Variants in IQGAP1 observed in about 807,000 individuals in gnomAD.
IQGAP1 encodes the protein IQ motif containing GTPase activating protein 1.
In IQGAP1, 66 loss-of-function variants were observed where a neutral mutation model predicts 215.6. That is an observed-to-expected ratio of 0.31 (90% CI 0.25 to 0.38). IQGAP1 has a LOEUF of 0.38. Ranked by LOEUF, IQGAP1 falls within the 10% of genes least tolerant of loss-of-function variation. IQGAP1 has a pLI of 1.00. For synonymous variants in IQGAP1, 772 were observed against 728.7 expected (o/e 1.06, Z -0.96); for missense variants, 1,712 against 1,997.1 (o/e 0.86, Z 2.72).
intron 2 of IQGAP1, among the ~76,000 whole-genome samples, chr15:90,416,948 A>G (rs1443642988): frequency 6.6e-6 from 1 of 151,838 alleles, no homozygotes; most frequent in African/African-American, 2.4e-5. Context: ...TTTGATTTGC[A>G]TTTCTCTGAT....
chr15:90,437,643 A>T (rs964755473), intron 5 of IQGAP1, among the ~76,000 whole-genome samples: 1 of 152,172 alleles, frequency 6.6e-6, no homozygotes, highest in African/African-American at 2.4e-5. Context: ...GGCACAAGCT[A>T]TCCTCCTGCC....
chr15:90,487,608 C>G (rs1164611298), intron 33 of IQGAP1, 26 bp downstream of exon 33: 3 of 1,486,686 alleles, frequency 2.0e-6, no homozygotes, highest in Non-Finnish European at 2.8e-6. Context: ...TAACATACTC[C>G]TTTGTTTGGT....
chr15:90,453,776 A>C (rs1006902286), intron 13 of IQGAP1, among the ~76,000 whole-genome samples: 3 of 152,146 alleles, frequency 2.0e-5, no homozygotes, highest in Admixed American at 6.5e-5. Flanking sequence ...TTGCTTTCTC[A>C]TATTTGCCTT....
chr15:90,473,467 A>G (rs1425515377), intron 19 of IQGAP1: 1 of 474,906 alleles, frequency 2.1e-6, no homozygotes, highest in Non-Finnish European at 3.8e-6. Flanking sequence ...CAGTAAATGA[A>G]TCTGTATGGC....
intron 2 of IQGAP1, among the ~76,000 whole-genome samples, chr15:90,395,312 GTT>G (rs11453785): frequency 6.6e-6 from 1 of 151,120 alleles, no homozygotes; most frequent in Non-Finnish European, 1.5e-5. Context: ...AAGGAGCGGG[GTT>G]TTTTTTGTTT....
At chr15:90,430,411 A>C (rs571547320) in intron 4 of IQGAP1, among the ~76,000 whole-genome samples, 1 of 152,320 alleles carries the variant, frequency 6.6e-6, no homozygotes, top group South Asian at 2.1e-4. Context: ...AGCACCAAAA[A>C]AATGTATACA....
intron 33 of IQGAP1, among the ~76,000 whole-genome samples, chr15:90,491,032 A>G (rs1178370399): frequency 6.6e-6 from 1 of 152,114 alleles, no homozygotes; most frequent in Non-Finnish European, 1.5e-5. Context: ...GATGGTCTTG[A>G]ACTCCTGACC....
At chr15:90,454,827 A>T (rs1011027167) in intron 14 of IQGAP1, among the ~76,000 whole-genome samples, 2 of 152,198 alleles carry the variant, frequency 1.3e-5, no homozygotes, top group African/African-American at 4.8e-5. Context: ...CTGACACTAC[A>T]TGGAATTAGG....
intron 1 of IQGAP1, 150 bp from the exon 2 acceptor site, chr15:90,390,624 G>A (rs1037258054): frequency 1.9e-6 from 1 of 525,794 alleles, no homozygotes. Context: ...CTTTTTTTAA[G>A]AAAGTCATTG....
chr15:90,430,108 A>G (rs1965281651), intron 4 of IQGAP1, among the ~76,000 whole-genome samples: 1 of 152,196 alleles, frequency 6.6e-6, no homozygotes, highest in Non-Finnish European at 1.5e-5. Flanking sequence ...TTTAAATTGT[A>G]GAGGTGGTAG....
chr15:90,497,408 T>A, intron 37 of IQGAP1, 68 bp downstream of exon 37: 1 of 798,166 alleles, frequency 1.3e-6, no homozygotes, highest in Admixed American at 2.0e-5. Context: ...GAGAAATAGA[T>A]AAAGAGGAGA....
intron 3 of IQGAP1, among the ~76,000 whole-genome samples, chr15:90,428,470 ACT>A (rs747176240): frequency 6.6e-6 from 1 of 151,402 alleles, no homozygotes; most frequent in Non-Finnish European, 1.5e-5. Flanking sequence ...GAGAGCGGAG[ACT>A]CTGCAGCAAC....
chr15:90,412,462 G>T (rs1964980431), intron 2 of IQGAP1, among the ~76,000 whole-genome samples: 2 of 152,002 alleles, frequency 1.3e-5, no homozygotes, highest in Admixed American at 6.6e-5. Context: ...CCTTCCAAGG[G>T]TCTGCACATT....
Position 90,482,017 on chromosome 15 carries a change from A to G in IQGAP1, c.3387A>G (p.Thr1129=). 1 of 1,614,258 alleles carries G rather than the reference A, an allele frequency of 6.2e-7. No individual in the cohort carries two copies. The highest frequency in any genetic ancestry group is 8.5e-7 in the Non-Finnish European group (1 of 1,180,046). ...EQALAHEEVK[T]RLDSSIRNMR... ...CGCTAGCTCATGAAGAAGTGAAGAC[A>G]CGGCTAGACAGCTCCATCAGGAACA... Residue 1129 remains threonine (T), a synonymous_variant, in exon 27 of 38, where the codon ACA becomes ACG. Coordinates refer to ENST00000268182, the MANE Select transcript of IQGAP1 (RefSeq NM_003870.4).
intron 15 of IQGAP1, among the ~76,000 whole-genome samples, chr15:90,462,036 C>T (rs561370976): frequency 6.7e-6 from 1 of 150,144 alleles, no homozygotes; most frequent in Admixed American, 6.6e-5. Flanking sequence ...GTGGTAGGCG[C>T]CTGCGCCTTT....
intron 1 of IQGAP1, 32 bp from the exon 2 acceptor site, chr15:90,390,742 C>A (rs1030839763): frequency 5.0e-6 from 7 of 1,402,206 alleles, no homozygotes; most frequent in South Asian, 1.2e-5. Flanking sequence ...GCTACAGATC[C>A]TGGTGTTTAC....
At chr15:90,466,822 T>C (rs1965839335) in intron 17 of IQGAP1, among the ~76,000 whole-genome samples, 1 of 152,244 alleles carries the variant, frequency 6.6e-6, no homozygotes, top group African/African-American at 2.4e-5. Flanking sequence ...CCGGGTGCGG[T>C]GGCACACGCC....
chr15:90,461,581 A>G (rs993185792), intron 15 of IQGAP1, among the ~76,000 whole-genome samples: 1 of 152,124 alleles, frequency 6.6e-6, no homozygotes, highest in Non-Finnish European at 1.5e-5. Context: ...GCTTACGCCT[A>G]TAATCCCGGC....
chr15:90,392,565 T>C (rs1190616717), intron 2 of IQGAP1, among the ~76,000 whole-genome samples: 1 of 152,116 alleles, frequency 6.6e-6, no homozygotes, highest in Non-Finnish European at 1.5e-5. Context: ...TGTTTTACTG[T>C]TGAATTTCTT....
Sources: allele counts gnomAD v4.1 joint callset (sites outside exome capture counted in the v4.1 genomes callset), GRCh38; gene constraint gnomAD v4.1.1; transcripts MANE v1.5; gene names NCBI Gene and HGNC (gene_info 2026-07-23, HGNC 2026-07-21).